ALDH9A1: variants seen among roughly 807,000 people sequenced by gnomAD.
The protein encoded by ALDH9A1 is 4-trimethylaminobutyraldehyde dehydrogenase.
ALDH9A1 carries 42 observed loss-of-function variants against 56.6 expected under a neutral mutation model. The ratio of observed to expected loss-of-function variants is 0.74; its 90% CI spans 0.58 to 0.96. The LOEUF (loss-of-function observed/expected upper bound fraction) is 0.96, where lower values mean the gene tolerates loss of function less well. Among genes scored for constraint, ALDH9A1 ranks in the 40% least tolerant of loss-of-function variants. ALDH9A1 has a pLI of 0.00. For synonymous variants in ALDH9A1, 242 were observed against 236.0 expected, an observed-to-expected ratio of 1.03 and a Z score of -0.23; for missense variants, 661 against 651.5, an observed-to-expected ratio of 1.01 and a Z score of -0.16.
At chr1:165,680,707 AT>A in intron 4 of ALDH9A1, 24 bp from the exon 5 acceptor site, 1 of 1,570,774 alleles carries the variant, frequency 6.4e-7, no homozygotes, top group Non-Finnish European at 8.6e-7. Flanking sequence ...AGACACAAAC[AT>A]AAAAAGACTT....
rs758486419 is a variant in ALDH9A1 at position 165,682,968 on chromosome 1, G to C, written c.457+13C>G. On this transcript the variant is annotated intron_variant, in intron 3 of 10. Transcript: ENST00000354775. ...CATTATCAGCTGGTCACAGACACCA[G>C]GTGAGGACTTACCAGCCATGGATGC... 1 of 1,612,946 alleles carries C rather than the reference G, an allele frequency of 6.2e-7. No homozygotes were observed. Among genetic ancestry groups the C allele is most frequent in the Non-Finnish European group, 8.5e-7 (1 of 1,179,384 alleles).
At chr1:165,690,572 G>A (rs1457394741) in intron 2 of ALDH9A1, among the ~76,000 whole-genome samples, 1 of 152,138 alleles carries the variant, frequency 6.6e-6, no homozygotes, top group Admixed American at 6.6e-5. Context: ...TGGTTCACCT[G>A]GGAAGCACAA....
chr1:165,665,411 T>G lies in ALDH9A1; in HGVS notation c.1350-281A>C, dbSNP rs115680490. 1.6e-3 allele frequency among the ~76,000 whole-genome samples: 244 copies of G among 152,218 alleles called. 2 individuals carry two copies. The highest frequency in any genetic ancestry group is 5.5e-3 in the African/African-American group (229 of 41,530). On this transcript the variant is annotated intron_variant, in intron 9 of 10. Coordinates refer to ENST00000354775, the MANE Select transcript of ALDH9A1 (RefSeq NM_000696.4). ...CAAATGGTGCTGAAACAAGTGGATA[T>G]CTACATGCAAAAAATAAAGGTGGAG...
intron 6 of ALDH9A1, among the ~76,000 whole-genome samples, chr1:165,674,864 G>A (rs944704741): frequency 4.6e-5 from 7 of 151,768 alleles, no homozygotes; most frequent in Non-Finnish European, 8.8e-5. Flanking sequence ...CCAGATGAAC[G>A]GATAAATTGT....
intron 2 of ALDH9A1, among the ~76,000 whole-genome samples, chr1:165,685,185 G>A (rs1413646875): frequency 6.6e-6 from 1 of 152,130 alleles, no homozygotes; most frequent in Non-Finnish European, 1.5e-5. Flanking sequence ...TCCCAACCCT[G>A]TTCCTCCTCT....
At position 165,668,968 on chromosome 1, in the gene ALDH9A1, G is replaced by A; in HGVS notation, c.1165C>T (p.Pro389Ser). 6.2e-7 allele frequency: 1 copy of A among 1,611,666 alleles called. No individual in the cohort carries two copies. The highest frequency in any genetic ancestry group is 8.5e-7 in the Non-Finnish European group (1 of 1,178,160). Residue 389 changes from proline (P) to serine (S), a missense_variant, in exon 8 of 11, where the codon CCC (proline) becomes TCC (serine). By Grantham distance (74) the Pro-to-Ser change is moderately conservative. Transcript: ENST00000354775. ...ATGTAATATCCATCCTTTAATTTGG[G>A]ATCTTCAGGTACATATATATCTCCA... ...CGGDIYVPED[P>S]KLKDGYYMRP...
At chr1:165,694,735 T>G (rs973065428) in intron 2 of ALDH9A1, among the ~76,000 whole-genome samples, 2 of 152,072 alleles carry the variant, frequency 1.3e-5, no homozygotes, top group Non-Finnish European at 2.9e-5. Flanking sequence ...TGTGGGTGGA[T>G]CACTTGAGGT....
In ALDH9A1 at chr1:165,672,364, G is replaced by A. The variant is rs73014515; in HGVS notation, c.931-2914C>T. 7.9e-3 allele frequency among the ~76,000 whole-genome samples: 1,201 copies of A among 152,270 alleles called. 18 individuals are homozygous for A. The highest frequency in any genetic ancestry group is 0.028 in the African/African-American group (1,155 of 41,556). On this transcript the variant is annotated intron_variant, in intron 6 of 10. Transcript: ENST00000354775. Reference sequence around the variant, plus strand: ...AAATTTTGACACATGCTACAACATGGATGAACCTGAAGATATTATACTAAG... The same window carrying A: ...AAATTTTGACACATGCTACAACATGAATGAACCTGAAGATATTATACTAAG...
Position 165,662,767 on chromosome 1 carries a change from T to C in ALDH9A1, c.*283A>G. ...GTGTGGAAGATGTATTATCCTAGTC[T>C]CTTTTCCTGTTCTCTAGAAGTATGT... On this transcript the variant is annotated 3_prime_UTR_variant, in exon 11 of 11. Transcript: ENST00000354775. The C allele has an allele frequency of 2.7e-6, 1 of 370,852 alleles. No individual in the cohort carries two copies. The highest frequency in any genetic ancestry group is 5.0e-6 in the Non-Finnish European group (1 of 199,516). 23.0% of individuals were successfully genotyped at this position (370,852 alleles called of 1,614,324 possible).
In ALDH9A1 at chr1:165,668,515, T is replaced by C. The variant is rs539294473; in HGVS notation, c.1207+411A>G. Among the ~76,000 whole-genome samples the C allele has an allele frequency of 1.6e-4, 24 of 152,352 alleles. No homozygotes were observed. In the Middle Eastern group the frequency reaches 0.01, roughly 65 times the overall value. ...GCTTCCTGTACAGTCTGCAGAACCA[T>C]GAGCCAAATAAACATCTTTTCTACT... On this transcript the variant is annotated intron_variant, in intron 8 of 10. Transcript: ENST00000354775.
intron 2 of ALDH9A1, among the ~76,000 whole-genome samples, chr1:165,688,695 A>G (rs563366627): frequency 2.2e-4 from 33 of 152,262 alleles, no homozygotes; most frequent in Non-Finnish European, 4.1e-4. Context: ...GTGACAGAGC[A>G]AGACCCTGTC....
chr1:165,687,575 T>A (rs774184112), intron 2 of ALDH9A1, among the ~76,000 whole-genome samples: 2 of 142,110 alleles, frequency 1.4e-5, no homozygotes, highest in Non-Finnish European at 3.1e-5. Context: ...TGGAGCAACA[T>A]CTTTAAAGTA....
Position 165,669,407 on chromosome 1 carries a change from A to C in ALDH9A1, c.974T>G (p.Leu325Arg). The change falls in exon 7 of 11, where the codon CTT (leucine) becomes CGT (arginine). Residue 325 changes from leucine to arginine, a missense_variant. Leu to Arg is a moderately radical substitution (Grantham distance 102). Transcript: ENST00000354775. Reference protein sequence around the residue: ...GTRVFVQKEILDKFTEEVVKQ... With the variant: ...GTRVFVQKEIRDKFTEEVVKQ... Reference sequence around the variant, plus strand: ...CACCACTTCCTCTGTAAATTTATCAAGAATTTCTTTCTGCACAAATACTCT... The same window carrying C: ...CACCACTTCCTCTGTAAATTTATCACGAATTTCTTTCTGCACAAATACTCT... 1 of 1,613,874 alleles carries C rather than the reference A, an allele frequency of 6.2e-7. No homozygotes were observed. The highest frequency in any genetic ancestry group is 8.5e-7 in the Non-Finnish European group (1 of 1,179,896).
At chr1:165,680,858 G>T (rs1269282298) in intron 4 of ALDH9A1, among the ~76,000 whole-genome samples, 175 bp from the exon 5 acceptor site, 1 of 152,158 alleles carries the variant, frequency 6.6e-6, no homozygotes, top group East Asian at 1.9e-4. Context: ...TGCTGATAAA[G>T]ACATACCCGA....
intron 6 of ALDH9A1, among the ~76,000 whole-genome samples, 199 bp downstream of exon 6, chr1:165,679,243 A>G (rs6662419): frequency 0.41 from 62,189 of 152,126 alleles, 13,011 homozygotes; most frequent in Middle Eastern, 0.5. Context: ...GTACAGGCAG[A>G]TAAAGAAGAT....
intron 2 of ALDH9A1, among the ~76,000 whole-genome samples, chr1:165,689,755 G>A (rs1390467198): frequency 6.6e-6 from 1 of 151,946 alleles, no homozygotes; most frequent in Non-Finnish European, 1.5e-5. Flanking sequence ...CCAACATGGG[G>A]AAACTCTGTC....
intron 2 of ALDH9A1, among the ~76,000 whole-genome samples, chr1:165,686,293 G>C (rs1170390083): frequency 6.6e-6 from 1 of 152,134 alleles, no homozygotes; most frequent in Non-Finnish European, 1.5e-5. Flanking sequence ...ACAGAGCAGG[G>C]AGGAGGAAGC....
chr1:165,674,032 G>A (rs1009921014), intron 6 of ALDH9A1, among the ~76,000 whole-genome samples: 2 of 152,124 alleles, frequency 1.3e-5, no homozygotes, highest in Non-Finnish European at 2.9e-5. Flanking sequence ...CCAAGATGGT[G>A]ATGAGTGACC....
intron 2 of ALDH9A1, among the ~76,000 whole-genome samples, chr1:165,685,697 G>A (rs547060950): frequency 3.3e-4 from 50 of 152,276 alleles, no homozygotes; most frequent in African/African-American, 1.0e-3. Context: ...GAGAAAAGAC[G>A]AGGCTGGAGA....
Sources: allele counts gnomAD v4.1 joint callset (sites outside exome capture counted in the v4.1 genomes callset), GRCh38; gene constraint gnomAD v4.1.1; transcripts MANE v1.5; gene names NCBI Gene and HGNC (gene_info 2026-07-23, HGNC 2026-07-21).